The following SEC24A variants were observed in gnomAD, a reference collection of about 807,000 sequenced individuals.
The protein encoded by SEC24A is SEC24 homolog A, COPII component.
Under a neutral mutation model 129.4 loss-of-function variants are expected in SEC24A, and 93 were observed. That is an observed-to-expected ratio of 0.72 (90% CI 0.61 to 0.85). The LOEUF (loss-of-function observed/expected upper bound fraction) is 0.85, where lower values mean the gene tolerates loss of function less well. Ranked by LOEUF, SEC24A falls within the 40% of genes least tolerant of loss-of-function variation. SEC24A has a pLI of 0.00. For synonymous variants in SEC24A, 460 were observed against 467.3 expected (o/e 0.98, Z 0.20); for missense variants, 1,264 against 1,307.4 (o/e 0.97, Z 0.51).
rs1369459890 is a variant in SEC24A at position 134,726,568 on chromosome 5, G to A, written c.*1474G>A. The stretch of plus-strand genomic sequence containing the variant: ...TACAGTATACAACTACTGCTTGCCA[G>A]CTGGATCAAAATAATCATGTTTTAT... On this transcript the variant is annotated 3_prime_UTR_variant, in exon 23 of 23. Coordinates refer to ENST00000398844, the MANE Select transcript of SEC24A (RefSeq NM_021982.3). 1 of 152,502 alleles carries A rather than the reference G, an allele frequency of 6.6e-6. No individual in the cohort carries two copies. The highest frequency in any genetic ancestry group is 1.5e-5 in the Non-Finnish European group (1 of 68,002). The allele number at this position is 152,502 out of a possible 1,614,324, so 9.4% of individuals were successfully genotyped here.
chr5:134,726,133 A>G lies in SEC24A; in HGVS notation c.*1039A>G, dbSNP rs1170424856. ...GCTGTTTGATTTGGTGGATATTAAG[A>G]TTATACACATCCAACATATTAAAGT... On this transcript the variant is annotated 3_prime_UTR_variant, in exon 23 of 23. Transcript: ENST00000398844. The G allele has an allele frequency of 6.6e-6, 1 of 152,560 alleles. No individual in the cohort carries two copies. Among genetic ancestry groups the G allele is most frequent in the Non-Finnish European group, 1.5e-5 (1 of 67,964 alleles). 9.5% of individuals were successfully genotyped at this position (152,560 alleles called of 1,614,324 possible). A position where few individuals can be genotyped will look rare whatever the true frequency, so the allele number is the denominator to read the frequency against.
chr5:134,670,157 C>T (rs1222434156), intron 3 of SEC24A, among the ~76,000 whole-genome samples: 4 of 152,188 alleles, frequency 2.6e-5, no homozygotes, highest in African/African-American at 9.7e-5. Context: ...AACTCCTGAG[C>T]TCAAGTGATC....
At chr5:134,697,770 TA>T in intron 14 of SEC24A, 128 bp from the exon 15 acceptor site, 1 of 1,001,108 alleles carries the variant, frequency 1.0e-6, no homozygotes, top group Non-Finnish European at 1.5e-6. Flanking sequence ...AAAAAGGGAA[TA>T]AAATCTCCTT....
chr5:134,698,633 T>C (rs1751905431), intron 15 of SEC24A, among the ~76,000 whole-genome samples: 1 of 146,702 alleles, frequency 6.8e-6, no homozygotes, highest in Non-Finnish European at 1.5e-5. Context: ...GAGTCTTGTT[T>C]TTTTTTTTTT....
intron 13 of SEC24A, among the ~76,000 whole-genome samples, chr5:134,696,747 CT>C (rs931236576): frequency 6.6e-6 from 1 of 151,854 alleles, no homozygotes; most frequent in Admixed American, 6.6e-5. Context: ...ATCCACCCAC[CT>C]CGGCCTCCCA....
intron 12 of SEC24A, chr5:134,693,114 A>G: frequency 6.5e-7 from 1 of 1,535,756 alleles, no homozygotes; most frequent in Non-Finnish European, 8.7e-7. Flanking sequence ...GGTGAACAGA[A>G]TGTGTCTGAA....
chr5:134,677,877 G>A (rs1247329429), intron 7 of SEC24A, among the ~76,000 whole-genome samples: 2 of 151,522 alleles, frequency 1.3e-5, no homozygotes, highest in Non-Finnish European at 2.9e-5. Context: ...TTAAAGATGA[G>A]ATGCTATGTC....
chr5:134,713,662 T>C (rs1252495172), intron 18 of SEC24A, among the ~76,000 whole-genome samples: 1 of 152,136 alleles, frequency 6.6e-6, no homozygotes, highest in Non-Finnish European at 1.5e-5. Flanking sequence ...AGTGTACTTG[T>C]TTTAATACGT....
chr5:134,675,277 G>T lies in SEC24A; in HGVS notation c.1151+60G>T, dbSNP rs1751021244. On this transcript the variant is annotated intron_variant, in intron 6 of 22. Coordinates refer to ENST00000398844, the MANE Select transcript of SEC24A (RefSeq NM_021982.3). ...AAAGTTTTCTAGCTTTTTGCAGGGG[G>T]CACATCAGGTGTTATGAATAAGCTG... 1.9e-5 allele frequency: 25 copies of T among 1,289,164 alleles called. No homozygotes were observed. The South Asian group carries it at 3.3e-4, about 17-fold the overall frequency. The allele number at this position is 1,289,164 out of a possible 1,614,324, so 79.9% of individuals were successfully genotyped here.
rs772121060 is a variant in SEC24A at position 134,679,597 on chromosome 5, T to C, written c.1255-5T>C. ...AAAAATTTAATTCTGTTTTTTTTTT[T>C]CCAGCAATTGCCTGTGGTTACCTCC... On this transcript the variant is annotated splice_polypyrimidine_tract_variant and splice_region_variant and intron_variant, in intron 7 of 22. Coordinates refer to ENST00000398844, the MANE Select transcript of SEC24A (RefSeq NM_021982.3). The C allele has an allele frequency of 1.1e-5, 17 of 1,548,650 alleles. No individual in the cohort carries two copies. Among genetic ancestry groups the C allele is most frequent in the South Asian group, 3.7e-5 (3 of 82,008 alleles).
Position 134,713,129 on chromosome 5 carries a change from C to T in SEC24A, c.2728-1895C>T, listed in dbSNP as rs187456166. 3.4e-3 allele frequency among the ~76,000 whole-genome samples: 513 copies of T among 151,940 alleles called. 1 individual carries two copies. The highest frequency in any genetic ancestry group is 5.7e-3 in the Non-Finnish European group (386 of 67,962). On this transcript the variant is annotated intron_variant, in intron 18 of 22. Transcript: ENST00000398844. ...TGTATTTTTAGTAGAGACGGGGTTT[C>T]ACCGTGTTAGCCAGGATGGTCTCGA... is the stretch of plus-strand genomic sequence containing the variant.
chr5:134,648,837 G>C lies in SEC24A; in HGVS notation c.-240G>C, dbSNP rs563522724. 4 of 374,302 alleles carry C rather than the reference G, an allele frequency of 1.1e-5. No individual in the cohort carries two copies. Among genetic ancestry groups the C allele is most frequent in the Middle Eastern group, 1.3e-3 (2 of 1,590 alleles). The allele number at this position is 374,302 out of a possible 1,614,324, so 23.2% of individuals were successfully genotyped here. ...CTCTAGGTTTGGCTGCCGCCTTCTA[G>C]CCGGGCGTTCGCGGCCCCGCCGGCC... On this transcript the variant is annotated 5_prime_UTR_variant, in exon 1 of 23. Coordinates refer to ENST00000398844, the MANE Select transcript of SEC24A (RefSeq NM_021982.3).
At chr5:134,702,689 A>G (rs1385534325) in intron 15 of SEC24A, among the ~76,000 whole-genome samples, 1 of 152,148 alleles carries the variant, frequency 6.6e-6, no homozygotes, top group East Asian at 1.9e-4. Flanking sequence ...CCATCACATT[A>G]ATTTAAACTT....
chr5:134,703,771 A>G lies in SEC24A; in HGVS notation c.2279A>G (p.His760Arg). 2 of 1,611,060 alleles carry G rather than the reference A, an allele frequency of 1.2e-6. No individual in the cohort carries two copies. The highest frequency in any genetic ancestry group is 1.7e-6 in the Non-Finnish European group (2 of 1,177,432). Residue 760 changes from histidine to arginine, a missense_variant, in exon 16 of 23, where the codon CAT becomes CGT. Transcript: ENST00000398844. ...RIRCTKGLSI[H>R]TFHGNFFVRS... ...TTTTCTCTTCTAGGTCTTTCCATTC[A>G]TACTTTCCATGGAAACTTCTTTGTT...
At chr5:134,702,330 A>G (rs1009492602) in intron 15 of SEC24A, among the ~76,000 whole-genome samples, 9 of 152,092 alleles carry the variant, frequency 5.9e-5, no homozygotes, top group African/African-American at 1.9e-4. Context: ...TTTCATCCTG[A>G]TTACTGTTTT....
Position 134,705,090 on chromosome 5 carries a change from A to ATTT in SEC24A, c.2441-226_2441-224dup, listed in dbSNP as rs58181904. On this transcript the variant is annotated intron_variant, in intron 16 of 22. Transcript: ENST00000398844. ...TATATTTATATATATATATATATAT[A>ATTT]TTTTTTTTTTTTTAATTAATTTATT... Among the ~76,000 whole-genome samples, 525 of 123,234 alleles carry ATTT rather than the reference A, an allele frequency of 4.3e-3. 3 individuals are homozygous for ATTT. The highest frequency in any genetic ancestry group is 0.028 in the East Asian group (121 of 4,390). 80.8% of individuals were successfully genotyped at this position (123,234 alleles called of 152,430 possible). A position where few individuals can be genotyped will look rare whatever the true frequency, so the allele number is the denominator to read the frequency against.
chr5:134,671,561 T>C (rs925795789), intron 3 of SEC24A, among the ~76,000 whole-genome samples: 3 of 152,148 alleles, frequency 2.0e-5, no homozygotes, highest in African/African-American at 7.2e-5. Context: ...GGCCTTTGGC[T>C]TAGGTACAAT....
chr5:134,699,354 A>G lies in SEC24A; in HGVS notation c.2266+1297A>G, dbSNP rs1417520674. ...CGCTCTGTCGTCCAGGCTGGAGTGCAGTGGCACGATCTCAGCTCACTGCAA... is the reference window on the plus strand; with the variant it reads ...CGCTCTGTCGTCCAGGCTGGAGTGCGGTGGCACGATCTCAGCTCACTGCAA... On this transcript the variant is annotated intron_variant, in intron 15 of 22. Coordinates refer to ENST00000398844, the MANE Select transcript of SEC24A (RefSeq NM_021982.3). Among the ~76,000 whole-genome samples, 5 of 147,306 alleles carry G rather than the reference A, an allele frequency of 3.4e-5. No homozygotes were observed. In the East Asian group the frequency reaches 8.0e-4, roughly 24 times the overall value.
intron 16 of SEC24A, 75 bp downstream of exon 16, chr5:134,704,007 A>AAT (rs1190259087): frequency 1.7e-5 from 16 of 915,146 alleles, no homozygotes; most frequent in Non-Finnish European, 2.7e-5. Context: ...ATGGGCTATA[A>AAT]AATACATGTA....
Sources: gnomAD v4.1 joint callset for allele counts (sites outside exome capture counted in the v4.1 genomes callset) on GRCh38, gnomAD v4.1.1 for gene constraint, MANE v1.5 for transcripts, NCBI Gene and HGNC (gene_info 2026-07-23, HGNC 2026-07-21) for gene names.